Variants in USP34 observed in about 807,000 individuals in gnomAD.
USP34 encodes the protein ubiquitin carboxyl-terminal hydrolase 34.
A neutral mutation model predicts 460.3 loss-of-function variants in USP34; 70 were observed. The ratio of observed to expected loss-of-function variants is 0.15; its 90% CI spans 0.13 to 0.19. The LOEUF is 0.19. Ranked by LOEUF, USP34 falls within the 10% of genes least tolerant of loss-of-function variation. The pLI is 1.00. For synonymous variants in USP34, 1,647 were observed against 1,405.3 expected, an observed-to-expected ratio of 1.17 and a Z score of -3.85; for missense variants, 3,985 against 4,236.2, an observed-to-expected ratio of 0.94 and a Z score of 1.65.
At chr2:61,387,880 T>G (rs904697859) in intron 5 of USP34, among the ~76,000 whole-genome samples, 1 of 149,876 alleles carries the variant, frequency 6.7e-6, no homozygotes. Context: ...CGTATACGCA[T>G]ATGTAAAAAT....
At chr2:61,219,859 A>AT (rs915080195) in intron 67 of USP34, among the ~76,000 whole-genome samples, 1 of 151,900 alleles carries the variant, frequency 6.6e-6, no homozygotes, top group Non-Finnish European at 1.5e-5. Flanking sequence ...GCAACTTTCT[A>AT]TTTTGTGAAA....
At chr2:61,382,909 A>C (rs1292017477) in intron 6 of USP34, among the ~76,000 whole-genome samples, 5 of 152,176 alleles carry the variant, frequency 3.3e-5, no homozygotes, top group Non-Finnish European at 7.3e-5. Flanking sequence ...TTTTGTAAAC[A>C]GACTGCACAA....
chr2:61,385,125 A>T (rs1468141211), intron 5 of USP34, among the ~76,000 whole-genome samples: 2 of 152,138 alleles, frequency 1.3e-5, no homozygotes, highest in Admixed American at 1.3e-4. Context: ...TACAGTTTTC[A>T]AAACGATTCC....
intron 10 of USP34, among the ~76,000 whole-genome samples, chr2:61,353,505 C>T (rs566368873): frequency 6.6e-6 from 1 of 151,634 alleles, no homozygotes; most frequent in South Asian, 2.1e-4. Context: ...GATTCTCATG[C>T]CTCAGCCTCC....
chr2:61,349,428 T>C (rs1691874666), intron 12 of USP34, 143 bp from the exon 13 acceptor site: 1 of 746,120 alleles, frequency 1.3e-6, no homozygotes, highest in Admixed American at 3.1e-5. Flanking sequence ...CCACCTACAG[T>C]AGTTGTTGGG....
Position 61,206,108 on chromosome 2 carries a change from T to G in USP34, c.9063A>C (p.Leu3021Phe). 1.2e-6 allele frequency: 2 copies of G among 1,613,630 alleles called. No homozygotes were observed. Among genetic ancestry groups the G allele is most frequent in the Non-Finnish European group, 1.7e-6 (2 of 1,179,696 alleles). ...YLQRKDVKQA[L>F]IQWQERIEFA... ...ATTCAATTCGCTCCTGCCACTGGATTAATGCTTGTTTCACATCTGCAAATA... is the reference window on the plus strand; with the variant it reads ...ATTCAATTCGCTCCTGCCACTGGATGAATGCTTGTTTCACATCTGCAAATA... Residue 3021 changes from leucine (L) to phenylalanine (F), a missense_variant, in exon 72 of 80, where the codon TTA (leucine) becomes TTC (phenylalanine). Leu to Phe is a conservative substitution (Grantham distance 22). Coordinates refer to ENST00000398571, the MANE Select transcript of USP34 (RefSeq NM_014709.4).
At chr2:61,349,868 C>CA (rs1439037304) in intron 12 of USP34, among the ~76,000 whole-genome samples, 1 of 64,480 alleles carries the variant, frequency 1.6e-5, no homozygotes, top group East Asian at 4.1e-4. Context: ...ACAACAACAA[C>CA]AAAAAAACCC....
chr2:61,442,936 G>C (rs1050338715), intron 1 of USP34, among the ~76,000 whole-genome samples: 12 of 94,754 alleles, frequency 1.3e-4, no homozygotes, highest in East Asian at 8.5e-4. Flanking sequence ...CACACACACA[G>C]AGGAATATTA....
intron 75 of USP34, among the ~76,000 whole-genome samples, chr2:61,198,770 G>C (rs919953320): frequency 6.6e-6 from 1 of 152,130 alleles, no homozygotes; most frequent in African/African-American, 2.4e-5. Flanking sequence ...TTGGGAGGCT[G>C]AGACAGGAGA....
intron 33 of USP34, among the ~76,000 whole-genome samples, chr2:61,292,181 C>T (rs1689876327): frequency 6.6e-6 from 1 of 151,698 alleles, no homozygotes; most frequent in African/African-American, 2.4e-5. Flanking sequence ...ACATTGATTG[C>T]ATGTTAACTA....
At chr2:61,360,144 G>A (rs1692230951) in intron 10 of USP34, among the ~76,000 whole-genome samples, 1 of 149,136 alleles carries the variant, frequency 6.7e-6, no homozygotes, top group South Asian at 2.3e-4. Context: ...CTAAGATCCA[G>A]GAAAGGCAAG....
chr2:61,269,913 G>A (rs140669137), intron 41 of USP34, among the ~76,000 whole-genome samples: 5 of 151,876 alleles, frequency 3.3e-5, no homozygotes, highest in African/African-American at 1.2e-4. Context: ...TTCTTTTATT[G>A]GGAATATTTC....
intron 38 of USP34, 41 bp downstream of exon 38, chr2:61,281,049 T>C: frequency 6.3e-7 from 1 of 1,586,570 alleles, no homozygotes; most frequent in Non-Finnish European, 8.6e-7. Flanking sequence ...CAAAGGAAAT[T>C]TCAAAAATAG....
chr2:61,379,199 T>TA (rs1288869906), intron 7 of USP34, among the ~76,000 whole-genome samples: 1 of 152,162 alleles, frequency 6.6e-6, no homozygotes, highest in Non-Finnish European at 1.5e-5. Context: ...TCAGTGTGAC[T>TA]ACACTACCAA....
intron 1 of USP34, among the ~76,000 whole-genome samples, chr2:61,444,215 C>T (rs182084234): frequency 6.6e-6 from 1 of 152,156 alleles, no homozygotes; most frequent in East Asian, 1.9e-4. Flanking sequence ...CCACTGCACT[C>T]CAGCCTGGGT....
chr2:61,294,885 C>A, intron 32 of USP34, 64 bp downstream of exon 32: 1 of 1,302,670 alleles, frequency 7.7e-7, no homozygotes, highest in East Asian at 2.4e-5. Flanking sequence ...TTATGGTACC[C>A]ACTTTTGAAA....
chr2:61,457,784 G>A (rs1211044200), intron 1 of USP34, among the ~76,000 whole-genome samples: 1 of 152,142 alleles, frequency 6.6e-6, no homozygotes, highest in East Asian at 1.9e-4. Context: ...GGAGGTCAAG[G>A]CTGCAGTGAG....
At chr2:61,316,152 GC>G (rs1387996238) in intron 23 of USP34, among the ~76,000 whole-genome samples, 13 of 152,110 alleles carry the variant, frequency 8.5e-5, no homozygotes, top group African/African-American at 2.9e-4. Flanking sequence ...GTTGCAGTGA[GC>G]CAAGATTGTG....
At chr2:61,387,038 T>A (rs1011837664) in intron 5 of USP34, among the ~76,000 whole-genome samples, 1 of 151,990 alleles carries the variant, frequency 6.6e-6, no homozygotes, top group African/African-American at 2.4e-5. Flanking sequence ...ACAAGGAAAT[T>A]CTAAACATCA....
Sources: allele counts gnomAD v4.1 joint callset (sites outside exome capture counted in the v4.1 genomes callset), GRCh38; gene constraint gnomAD v4.1.1; transcripts MANE v1.5; gene names NCBI Gene and HGNC (gene_info 2026-07-23, HGNC 2026-07-21).